The following DCT variants were observed in gnomAD, a reference collection of about 807,000 sequenced individuals.
The protein encoded by DCT is L-dopachrome tautomerase.
DCT carries 47 observed loss-of-function variants against 53.0 expected under a neutral mutation model. The observed-to-expected ratio is 0.89, with a 90% CI of 0.70 to 1.13. The LOEUF (loss-of-function observed/expected upper bound fraction) is 1.13, where lower values mean the gene tolerates loss of function less well. Among genes scored for constraint, DCT ranks in the 50% most tolerant of loss-of-function variants. The pLI is 0.00. For synonymous variants in DCT, 244 were observed against 237.0 expected (o/e 1.03, Z -0.27); for missense variants, 669 against 637.4 (o/e 1.05, Z -0.53).
rs773662747 is a variant in DCT at position 94,438,625 on chromosome 13, G to A, written c.*1273C>T. 3 of 455,812 alleles carry A rather than the reference G, an allele frequency of 6.6e-6. No homozygotes were observed. Among genetic ancestry groups the A allele is most frequent in the South Asian group, 4.6e-5 (3 of 64,542 alleles). The allele number at this position is 455,812 out of a possible 1,614,324, so 28.2% of individuals were successfully genotyped here. A position where few individuals can be genotyped will look rare whatever the true frequency, so the allele number is the denominator to read the frequency against. On this transcript the variant is annotated 3_prime_UTR_variant, in exon 8 of 8. Coordinates refer to ENST00000377028, the MANE Select transcript of DCT (RefSeq NM_001922.5). Reference sequence around the variant, plus strand: ...CCTGATGCACAGAAACCAGATATGAGCAGATGAAATTTGCCTGGAAATCTC... The same window carrying A: ...CCTGATGCACAGAAACCAGATATGAACAGATGAAATTTGCCTGGAAATCTC...
At chr13:94,514,211 C>T in the DCT span, among the ~76,000 whole-genome samples, 354 of 151,988 alleles carry the variant, frequency 2.3e-3, 1 homozygote, top group African/African-American at 8.3e-3. Flanking sequence ...TAATGAAATA[C>T]GGAAAGAGCA....
chr13:94,488,852 G>A, the DCT span, among the ~76,000 whole-genome samples: 9 of 132,380 alleles, frequency 6.8e-5, no homozygotes, highest in East Asian at 2.1e-4. Flanking sequence ...ACACACATAT[G>A]TACACATACA....
At chr13:94,492,436 T>C in the DCT span, among the ~76,000 whole-genome samples, 2 of 152,194 alleles carry the variant, frequency 1.3e-5, no homozygotes, top group Non-Finnish European at 2.9e-5. Flanking sequence ...CTGCAGGAGA[T>C]TGGACACCTC....
chr13:94,442,996 C>A (rs1208243045), intron 7 of DCT, among the ~76,000 whole-genome samples: 2 of 152,170 alleles, frequency 1.3e-5, no homozygotes, highest in African/African-American at 4.8e-5. Flanking sequence ...AAATGTTGTA[C>A]TTTCCTCACC....
chr13:94,476,445 A>C (rs1885089900), intron 1 of DCT, among the ~76,000 whole-genome samples: 1 of 148,454 alleles, frequency 6.7e-6, no homozygotes, highest in African/African-American at 2.5e-5. Flanking sequence ...CAGATTTACA[A>C]CTTTTTGAAA....
the DCT span, among the ~76,000 whole-genome samples, chr13:94,524,624 T>C: frequency 6.6e-6 from 1 of 152,216 alleles, no homozygotes; most frequent in African/African-American, 2.4e-5. Flanking sequence ...TTTGTGCGCA[T>C]GTGCAGAGTG....
the DCT span, among the ~76,000 whole-genome samples, chr13:94,528,804 A>T: frequency 0.011 from 1,460 of 134,292 alleles, 24 homozygotes; most frequent in African/African-American, 0.04. Context: ...TTAACCTTAA[A>T]TGTAAATGGG....
At chr13:94,508,148 T>C in the DCT span, among the ~76,000 whole-genome samples, 1 of 152,260 alleles carries the variant, frequency 6.6e-6, no homozygotes, top group Non-Finnish European at 1.5e-5. Flanking sequence ...TGGTAGAAAC[T>C]GTCTATCATT....
chr13:94,461,945 T>G, intron 5 of DCT, 65 bp downstream of exon 5: 1 of 1,441,234 alleles, frequency 6.9e-7, no homozygotes, highest in African/African-American at 1.4e-5. Flanking sequence ...CTTCCAGTTC[T>G]TTACAATCAC....
At position 94,448,829 on chromosome 13, in the gene DCT, G is replaced by A. The variant is rs565379313; in HGVS notation, c.1180-5192C>T. 1.4e-3 allele frequency among the ~76,000 whole-genome samples: 215 copies of A among 152,014 alleles called. 1 individual carries two copies. The highest frequency in any genetic ancestry group is 0.014 in the Middle Eastern group (4 of 294). On this transcript the variant is annotated intron_variant, in intron 6 of 7. Coordinates refer to ENST00000377028, the MANE Select transcript of DCT (RefSeq NM_001922.5). Reference sequence around the variant, plus strand: ...TGAGGCAGGAGAGTCACTTGAACTCGGGAGGTGGAGGCTGCAATGAGCCAA... The same window carrying A: ...TGAGGCAGGAGAGTCACTTGAACTCAGGAGGTGGAGGCTGCAATGAGCCAA...
the DCT span, among the ~76,000 whole-genome samples, chr13:94,489,805 T>G: frequency 6.6e-6 from 1 of 152,094 alleles, no homozygotes; most frequent in African/African-American, 2.4e-5. Flanking sequence ...TCTAAGCATC[T>G]AATTATAAGT....
chr13:94,455,471 A>T (rs546911507), intron 6 of DCT, among the ~76,000 whole-genome samples: 2 of 152,150 alleles, frequency 1.3e-5, no homozygotes, highest in South Asian at 4.1e-4. Context: ...TTTACACCAC[A>T]GGTTGATAAA....
At chr13:94,508,549 C>T in the DCT span, among the ~76,000 whole-genome samples, 2 of 152,154 alleles carry the variant, frequency 1.3e-5, no homozygotes, top group Non-Finnish European at 2.9e-5. Flanking sequence ...GAGTCTCAAC[C>T]TTGTCATAAA....
At chr13:94,517,386 T>C in the DCT span, among the ~76,000 whole-genome samples, 1 of 152,184 alleles carries the variant, frequency 6.6e-6, no homozygotes, top group Admixed American at 6.5e-5. Context: ...CTACCTCAGA[T>C]ACCACCCTCA....
the DCT span, among the ~76,000 whole-genome samples, chr13:94,548,434 G>T: frequency 6.6e-6 from 1 of 152,020 alleles, no homozygotes; most frequent in East Asian, 1.9e-4. Context: ...ATCTCACAAT[G>T]GTCCTTCATC....
Position 94,479,146 on chromosome 13 carries a change from T to C in DCT, c.110A>G (p.Asn37Ser). The C allele has an allele frequency of 6.2e-7, 1 of 1,614,138 alleles. No individual in the cohort carries two copies. The highest frequency in any genetic ancestry group is 1.3e-5 in the African/African-American group (1 of 75,050). Residue 37 changes from asparagine to serine, a missense_variant, in exon 1 of 8, where the codon AAC becomes AGC. Asn to Ser is a conservative substitution (Grantham distance 46). Coordinates refer to ENST00000377028, the MANE Select transcript of DCT (RefSeq NM_001922.5). ...ACCCAGGCGTGGGCAGCACTCCTTG[T>C]TCACTAGGCTGTCCACCGTCATGCA... ...RVCMTVDSLV[N>S]KECCPRLGAE... is the part of the protein sequence containing the mutation.
chr13:94,446,587 T>A (rs1041691864), intron 6 of DCT, among the ~76,000 whole-genome samples: 1 of 152,264 alleles, frequency 6.6e-6, no homozygotes, highest in Non-Finnish European at 1.5e-5. Context: ...CTCAGGCTGC[T>A]GTAACAAAGT....
chr13:94,528,789 C>A, the DCT span, among the ~76,000 whole-genome samples: 1 of 149,008 alleles, frequency 6.7e-6, no homozygotes, highest in Non-Finnish European at 1.5e-5. Flanking sequence ...TCAAACGTAA[C>A]AATATTAACC....
At chr13:94,531,935 A>G in the DCT span, among the ~76,000 whole-genome samples, 1 of 152,212 alleles carries the variant, frequency 6.6e-6, no homozygotes, top group African/African-American at 2.4e-5. Flanking sequence ...AACTTAAACA[A>G]ATTTACAAGA....
Sources: gnomAD v4.1 joint callset for allele counts (sites outside exome capture counted in the v4.1 genomes callset) on GRCh38, gnomAD v4.1.1 for gene constraint, MANE v1.5 for transcripts, NCBI Gene and HGNC (gene_info 2026-07-23, HGNC 2026-07-21) for gene names.